The following JAKMIP2 variants were observed in gnomAD, a reference collection of about 807,000 sequenced individuals.
JAKMIP2 encodes janus kinase and microtubule interacting protein 2, also known as janus kinase and microtubule-interacting protein 2.
Under a neutral mutation model 115.0 loss-of-function variants are expected in JAKMIP2, and 25 were observed. The ratio of observed to expected loss-of-function variants is 0.22; its 90% confidence interval spans 0.16 to 0.30. The LOEUF (loss-of-function observed/expected upper bound fraction) is 0.30, where lower values mean the gene tolerates loss of function less well. JAKMIP2 is among the 10% of genes least tolerant of loss of function. The pLI is 1.00. For missense variants in JAKMIP2, 642 were observed against 957.6 expected, an observed-to-expected ratio of 0.67 and a Z score of 4.35; for synonymous variants, 334 against 343.6, an observed-to-expected ratio of 0.97 and a Z score of 0.31.
intron 1 of JAKMIP2, among the ~76,000 whole-genome samples, chr5:147,738,945 G>A (rs968122847): frequency 9.2e-5 from 14 of 152,072 alleles, no homozygotes; most frequent in Non-Finnish European, 1.8e-4. Flanking sequence ...CATAACCCTT[G>A]GGCTCTTCAT....
intron 1 of JAKMIP2, among the ~76,000 whole-genome samples, chr5:147,691,738 G>A (rs2126861720): frequency 6.6e-6 from 1 of 152,300 alleles, no homozygotes; most frequent in South Asian, 2.1e-4. Flanking sequence ...TGAGGGTGCT[G>A]GCTGGTCAGT....
At chr5:147,682,030 A>C (rs6890426) in intron 1 of JAKMIP2, among the ~76,000 whole-genome samples, 67,600 of 148,104 alleles carry the variant, frequency 0.46, 17,079 homozygotes, top group African/African-American at 0.67. Context: ...ACAGAATGAA[A>C]CTCTGTTTCA....
Position 147,648,369 on chromosome 5 carries a change from A to C in JAKMIP2, c.936+7T>G. 6.5e-7 allele frequency: 1 copy of C among 1,539,860 alleles called. No individual in the cohort carries two copies. Among genetic ancestry groups the C allele is most frequent in the East Asian group, 2.3e-5 (1 of 44,412 alleles). On this transcript the variant is annotated splice_region_variant and intron_variant, in intron 5 of 21. Transcript: ENST00000616793. ...CAACATCAACAAAAATTTTTAGTAT[A>C]TCTCACCAGTTCATTTCGTTCATCT...
At chr5:147,747,820 A>G (rs1227872940) in intron 1 of JAKMIP2, among the ~76,000 whole-genome samples, 2 of 152,100 alleles carry the variant, frequency 1.3e-5, no homozygotes, top group African/African-American at 4.8e-5. Flanking sequence ...TCTCTCCTAT[A>G]TGCCCTGTGT....
At position 147,648,383 on chromosome 5, in the gene JAKMIP2, T is replaced by C; in HGVS notation, c.929A>G (p.Asn310Ser). The change falls in exon 5 of 22, where the codon AAT (asparagine) becomes AGT (serine). Residue 310 changes from asparagine (N) to serine (S), a missense_variant. Around this residue, in one of 6 missense-constraint regions of JAKMIP2, gnomAD observed 439 missense variants for 570.9 expected, o/e 0.77. Transcript: ENST00000616793. ...DRNTLLGDER[N>S]ELLKRVRETE... The stretch of plus-strand genomic sequence containing the variant: ...ATTTTTAGTATATCTCACCAGTTCA[T>C]TTCGTTCATCTCCAAGCAAGGTATT... The C allele has an allele frequency of 6.3e-7, 1 of 1,587,838 alleles. No homozygotes were observed. Among genetic ancestry groups the C allele is most frequent in the East Asian group, 2.2e-5 (1 of 44,664 alleles).
intron 20 of JAKMIP2, 89 bp from the exon 21 acceptor site, chr5:147,601,900 C>A: frequency 1.6e-6 from 1 of 614,208 alleles, no homozygotes; most frequent in South Asian, 2.2e-5. Flanking sequence ...CCATATTGCT[C>A]AAGTCTAATC....
At chr5:147,670,256 G>A (rs1759512207) in intron 2 of JAKMIP2, among the ~76,000 whole-genome samples, 1 of 152,174 alleles carries the variant, frequency 6.6e-6, no homozygotes, top group Admixed American at 6.5e-5. Flanking sequence ...AATAGATTTT[G>A]GGAGAAATAA....
At chr5:147,602,596 G>C (rs935366348) in intron 20 of JAKMIP2, among the ~76,000 whole-genome samples, 104 of 152,238 alleles carry the variant, frequency 6.8e-4, no homozygotes, top group African/African-American at 2.4e-3. Flanking sequence ...TTTTTCACTT[G>C]AGAAACAGAT....
chr5:147,767,533 C>A (rs1455955576), intron 1 of JAKMIP2, among the ~76,000 whole-genome samples: 1 of 151,988 alleles, frequency 6.6e-6, no homozygotes, highest in African/African-American at 2.4e-5. Flanking sequence ...GAAGAAAAAT[C>A]CAAAGTGAAG....
At chr5:147,771,647 G>C (rs772961590) in intron 1 of JAKMIP2, among the ~76,000 whole-genome samples, 2 of 151,924 alleles carry the variant, frequency 1.3e-5, no homozygotes, top group Non-Finnish European at 2.9e-5. Flanking sequence ...TCATAGTTTA[G>C]GGCCATTAGT....
At chr5:147,698,054 T>C (rs1331911237) in intron 1 of JAKMIP2, among the ~76,000 whole-genome samples, 1 of 152,182 alleles carries the variant, frequency 6.6e-6, no homozygotes, top group Non-Finnish European at 1.5e-5. Context: ...GGGGGCTGTA[T>C]CCTGCAAAGT....
rs192552109 is a variant in JAKMIP2, at chr5:147,617,869, G to T, written c.2346+42C>A. 1.4e-4 allele frequency: 219 copies of T among 1,512,518 alleles called. 1 individual carries two copies. In the East Asian group the frequency reaches 3.4e-3, roughly 23 times the overall value. 93.7% of individuals were successfully genotyped at this position (1,512,518 alleles called of 1,614,324 possible). On this transcript the variant is annotated intron_variant, in intron 19 of 21. Coordinates refer to ENST00000616793, the MANE Select transcript of JAKMIP2 (RefSeq NM_001270941.2). ...GTGTACCTAGTACTAAGTTCCATTT[G>T]CTAGTACTAACCCTACGCAGAGGCA...
chr5:147,634,076 C>T (rs950126908), intron 12 of JAKMIP2, among the ~76,000 whole-genome samples: 1 of 152,146 alleles, frequency 6.6e-6, no homozygotes, highest in African/African-American at 2.4e-5. Flanking sequence ...TATAGGTGGG[C>T]ATTACATACA....
At chr5:147,598,000 T>A (rs1403338583) in intron 21 of JAKMIP2, among the ~76,000 whole-genome samples, 2 of 152,080 alleles carry the variant, frequency 1.3e-5, no homozygotes, top group Admixed American at 6.6e-5. Context: ...TTCCTTTTTT[T>A]TTTTTCTTTA....
At chr5:147,762,147 A>T (rs1324187392) in intron 1 of JAKMIP2, among the ~76,000 whole-genome samples, 1 of 152,078 alleles carries the variant, frequency 6.6e-6, no homozygotes, top group Admixed American at 6.6e-5. Flanking sequence ...TGACACTTAC[A>T]TATATGCACA....
rs17107113 is a variant in JAKMIP2 at position 147,672,234 on chromosome 5, G to C, written c.-148-280C>G. The stretch of plus-strand genomic sequence containing the variant: ...GTGTTCTTTTTACCTGAAACTGCTC[G>C]CTCTTCTATCCTCATCTCCTCCATG... On this transcript the variant is annotated intron_variant, in intron 1 of 21. Transcript: ENST00000616793. Among the ~76,000 whole-genome samples the C allele has an allele frequency of 2.6e-5, 4 of 151,870 alleles. No homozygotes were observed. In the South Asian group the frequency reaches 8.3e-4, roughly 32 times the overall value.
At chr5:147,610,916 C>T (rs762527078) in intron 20 of JAKMIP2, among the ~76,000 whole-genome samples, 1 of 152,196 alleles carries the variant, frequency 6.6e-6, no homozygotes, top group Non-Finnish European at 1.5e-5. Flanking sequence ...AGTCTGGCTA[C>T]AGCAGCTTTG....
intron 16 of JAKMIP2, among the ~76,000 whole-genome samples, chr5:147,628,284 T>C (rs1331096416): frequency 6.6e-6 from 1 of 151,550 alleles, no homozygotes; most frequent in Non-Finnish European, 1.5e-5. Context: ...TCAGTGTTGA[T>C]TTTCTCCTGA....
chr5:147,771,921 T>G lies in JAKMIP2; in HGVS notation c.-149+10535A>C, dbSNP rs536396192. On this transcript the variant is annotated intron_variant, in intron 1 of 21. Transcript: ENST00000616793. ...TAATATACTTGCAGGAACTATCTAT[T>G]CATATTCTTCCCCCTACCACCAAAA... Among the ~76,000 whole-genome samples the G allele has an allele frequency of 2.6e-5, 4 of 152,232 alleles. No individual in the cohort carries two copies. The South Asian group carries it at 6.2e-4, about 24-fold the overall frequency.
Sources: allele counts gnomAD v4.1 joint callset (sites outside exome capture counted in the v4.1 genomes callset), GRCh38; gene constraint gnomAD v4.1.1; regional missense constraint gnomAD v4.1.1; transcripts MANE v1.5; gene names NCBI Gene and HGNC (gene_info 2026-07-23, HGNC 2026-07-21).